Variants in ROS1 observed in about 807,000 individuals in gnomAD.
ROS1 encodes ROS proto-oncogene 1, receptor tyrosine kinase.
In ROS1, 263 loss-of-function variants were observed where a neutral mutation model predicts 273.5. The ratio of observed to expected loss-of-function variants is 0.96; its 90% CI spans 0.87 to 1.06. The LOEUF (loss-of-function observed/expected upper bound fraction) is 1.06. Among genes scored for constraint, ROS1 ranks in the 50% least tolerant of loss-of-function variants. ROS1 has a pLI of 0.00. For missense variants in ROS1, 2,833 were observed against 2,751.1 expected (o/e 1.03, Z -0.67); for synonymous variants, 1,008 against 954.1 (o/e 1.06, Z -1.04).
intron 1 of ROS1, among the ~76,000 whole-genome samples, chr6:117,421,138 T>G (rs1182491871): frequency 4.7e-5 from 7 of 149,578 alleles, no homozygotes; most frequent in African/African-American, 1.7e-4. Flanking sequence ...TGAATATCTA[T>G]CACATGCTTT....
At chr6:117,387,179 A>G (rs1021216594) in intron 14 of ROS1, among the ~76,000 whole-genome samples, 180 bp from the exon 15 acceptor site, 1 of 152,228 alleles carries the variant, frequency 6.6e-6, no homozygotes, top group African/African-American at 2.4e-5. Context: ...AACAAGAATG[A>G]TCCCATTAAA....
rs1202977274 is a variant in ROS1 at position 117,326,301 on chromosome 6, T to A, written c.5462A>T (p.Gln1821Leu). The A allele has an allele frequency of 6.2e-7, 1 of 1,603,168 alleles. No homozygotes were observed. Among genetic ancestry groups the A allele is most frequent in the African/African-American group, 1.3e-5 (1 of 74,240 alleles). The stretch of plus-strand genomic sequence containing the variant: ...ATTATTTGCAGCTACTACTCTGAAC[T>A]GAAATATTCCTTTCAGGTTTTTGGA... ...WKSKNLKGIFQFRVVAANNLG... is the reference protein window; with the variant it reads ...WKSKNLKGIFLFRVVAANNLG... The change falls in exon 34 of 44, where the codon CAG becomes CTG. Residue 1821 changes from glutamine to leucine, a missense_variant. Transcript: ENST00000368507.
At chr6:117,322,950 T>C (rs1776380355) in intron 35 of ROS1, among the ~76,000 whole-genome samples, 1 of 152,110 alleles carries the variant, frequency 6.6e-6, no homozygotes, top group African/African-American at 2.4e-5. Context: ...GAGTTATGGG[T>C]TTAAACAATG....
chr6:117,315,900 G>A (rs1033477960), intron 39 of ROS1, among the ~76,000 whole-genome samples: 4 of 152,056 alleles, frequency 2.6e-5, no homozygotes, highest in Non-Finnish European at 5.9e-5. Context: ...TAGCCATATT[G>A]AGAAAAGTGT....
intron 32 of ROS1, among the ~76,000 whole-genome samples, chr6:117,334,163 C>A (rs1461322772): frequency 6.6e-6 from 1 of 152,146 alleles, no homozygotes; most frequent in African/African-American, 2.4e-5. Context: ...GATAAAAAAT[C>A]AATGTGCAAA....
chr6:117,300,027 A>C (rs1330778997), intron 43 of ROS1, among the ~76,000 whole-genome samples: 7 of 130,320 alleles, frequency 5.4e-5, no homozygotes, highest in African/African-American at 2.1e-4. Flanking sequence ...GGTTCATGCC[A>C]TTCTCCTGCC....
chr6:117,296,126 A>G (rs951398197), intron 43 of ROS1, among the ~76,000 whole-genome samples: 9 of 152,294 alleles, frequency 5.9e-5, no homozygotes, highest in African/African-American at 2.2e-4. Context: ...GGCCAGGCTC[A>G]GTTGCTCACG....
intron 9 of ROS1, 80 bp downstream of exon 9, chr6:117,396,108 G>T: frequency 1.0e-6 from 1 of 970,742 alleles, no homozygotes; most frequent in Non-Finnish European, 1.6e-6. Context: ...GGTCTACCAG[G>T]TGACCCAGGG....
In ROS1 at chr6:117,356,920, A is replaced by G. The variant is rs2243384; in HGVS notation, c.3840-5T>C. 0.5 allele frequency: 796,136 copies of G among 1,601,996 alleles called. 201,997 individuals are homozygous for G. The highest frequency in any genetic ancestry group is 0.53 in the Non-Finnish European group (617,711 of 1,174,410). ...ACTTCTGTCCAATACAAGCGACTAT[A>G]GAGGAAAAAAAAGTCCCCCCAACTT... On this transcript the variant is annotated splice_polypyrimidine_tract_variant and splice_region_variant and intron_variant, in intron 25 of 43. Transcript: ENST00000368507.
In ROS1 at chr6:117,366,183, C is replaced by T; in HGVS notation, c.2690G>A (p.Arg897Lys). The T allele has an allele frequency of 1.2e-6, 2 of 1,613,992 alleles. No homozygotes were observed. The change falls in exon 19 of 44, where the codon AGG becomes AAG. Residue 897 changes from arginine (R) to lysine (K), a missense_variant. Coordinates refer to ENST00000368507, the MANE Select transcript of ROS1 (RefSeq NM_001378902.1). Reference protein sequence around the residue: ...SGRLFWINGFRIITTQEIGQK... With the variant: ...SGRLFWINGFKIITTQEIGQK... ...ACCTATTTCTTGAGTTGTGATAATCCTAAAGCCATTGATCCAGAACAGCCG... is the reference window on the plus strand; with the variant it reads ...ACCTATTTCTTGAGTTGTGATAATCTTAAAGCCATTGATCCAGAACAGCCG...
At chr6:117,293,361 A>T (rs1488455406) in intron 43 of ROS1, among the ~76,000 whole-genome samples, 1 of 152,214 alleles carries the variant, frequency 6.6e-6, no homozygotes, top group African/African-American at 2.4e-5. Context: ...ACAGCCCATG[A>T]ATTCCTTTAG....
In ROS1 at chr6:117,344,255, C is replaced by A. The variant is rs764631946; in HGVS notation, c.4311G>T (p.Ala1437=). The A allele has an allele frequency of 8.1e-6, 13 of 1,612,018 alleles. No individual in the cohort carries two copies. The South Asian group carries it at 1.4e-4, about 18-fold the overall frequency. Residue 1437 remains alanine, a synonymous_variant, in exon 28 of 44, where the codon GCG becomes GCT. Coordinates refer to ENST00000368507, the MANE Select transcript of ROS1 (RefSeq NM_001378902.1). ...SSVMQPFPDK[A]FLSLASDTVE... is the part of the protein sequence containing the mutation. Reference sequence around the variant, plus strand: ...CAGTGTCTGAAGCTAGAGACAGAAACGCTTTATCTAAAATAAGAAGAAACC... The same window carrying A: ...CAGTGTCTGAAGCTAGAGACAGAAAAGCTTTATCTAAAATAAGAAGAAACC...
intron 6 of ROS1, among the ~76,000 whole-genome samples, chr6:117,403,951 T>C (rs1774166040): frequency 1.3e-5 from 2 of 152,096 alleles, no homozygotes; most frequent in Non-Finnish European, 2.9e-5. Context: ...TTTTAAAAAT[T>C]GGGGGCAGGG....
intron 39 of ROS1, among the ~76,000 whole-genome samples, chr6:117,312,200 C>G (rs1041985336): frequency 1.3e-5 from 2 of 152,058 alleles, no homozygotes; most frequent in Admixed American, 6.6e-5. Context: ...ATCATTTTTT[C>G]TCCTGGAATG....
rs10700318 is a variant in ROS1, at chr6:117,300,086, C to CTTTTTTTTTTTTTTTTTTTTTTTTTTT, written c.6715+861_6715+887dup. ...TACAGGCGCCCGCCACCAGGACAGG[C>CTTTTTTTTTTTTTTTTTTTTTTTTTTT]TTTTTTTTTTTTTTTTTTTTTTTTT... On this transcript the variant is annotated intron_variant, in intron 43 of 43. Transcript: ENST00000368507. Among the ~76,000 whole-genome samples the CTTTTTTTTTTTTTTTTTTTTTTTTTTT allele has an allele frequency of 2.2e-4, 7 of 31,834 alleles. 2 individuals carry two copies. The highest frequency in any genetic ancestry group is 2.7e-4 in the Non-Finnish European group (5 of 18,800). The allele number at this position is 31,834 out of a possible 152,430, so 20.9% of individuals were successfully genotyped here. A position where few individuals can be genotyped will look rare whatever the true frequency, so the allele number is the denominator to read the frequency against.
rs372381027 is a variant in ROS1 at position 117,397,060 on chromosome 6, C to T, written c.661G>A (p.Glu221Lys). 3.1e-6 allele frequency: 5 copies of T among 1,613,982 alleles called. No individual in the cohort carries two copies. The Admixed American group carries it at 8.3e-5, about 27-fold the overall frequency. The change falls in exon 8 of 44, where the codon GAA becomes AAA. Residue 221 changes from glutamate (E) to lysine (K), a missense_variant. Physicochemically the swap from Glu to Lys is moderately conservative, Grantham distance 56 (BLOSUM62 1). Coordinates refer to ENST00000368507, the MANE Select transcript of ROS1 (RefSeq NM_001378902.1). ...NIESSSPDTV[E>K]VSWDPPQFPG... is the part of the protein sequence containing the mutation. Reference sequence around the variant, plus strand: ...AATTGAGGTGGATCCCAGCTGACTTCCACAGTGTCGGGACTTGAGCTCTCA... The same window carrying T: ...AATTGAGGTGGATCCCAGCTGACTTTCACAGTGTCGGGACTTGAGCTCTCA...
chr6:117,327,131 C>T (rs1776696956), intron 33 of ROS1, among the ~76,000 whole-genome samples: 2 of 152,190 alleles, frequency 1.3e-5, no homozygotes, highest in Non-Finnish European at 1.5e-5. Context: ...GACTTGGTGC[C>T]AATCCACGGT....
At chr6:117,300,703 A>G (rs1006616243) in intron 43 of ROS1, among the ~76,000 whole-genome samples, 7 of 152,208 alleles carry the variant, frequency 4.6e-5, no homozygotes, top group Non-Finnish European at 1.0e-4. Flanking sequence ...AACAGACCTT[A>G]TGAAAATGTA....
At chr6:117,328,170 A>C (rs965207043) in intron 33 of ROS1, among the ~76,000 whole-genome samples, 1 of 152,200 alleles carries the variant, frequency 6.6e-6, no homozygotes, top group Non-Finnish European at 1.5e-5. Flanking sequence ...GAGTACACAG[A>C]GTCTAACTAG....
Sources: gnomAD v4.1 joint callset for allele counts (sites outside exome capture counted in the v4.1 genomes callset) on GRCh38, gnomAD v4.1.1 for gene constraint, MANE v1.5 for transcripts, NCBI Gene and HGNC (gene_info 2026-07-23, HGNC 2026-07-21) for gene names.